PDE3A: variants seen among roughly 807,000 people sequenced by gnomAD.
PDE3A encodes phosphodiesterase 3A, also known as cGMP-inhibited 3',5'-cyclic phosphodiesterase 3A.
Under a neutral mutation model 98.3 loss-of-function variants are expected in PDE3A, and 43 were observed. The ratio of observed to expected loss-of-function variants is 0.44; its 90% CI spans 0.34 to 0.56. The LOEUF (loss-of-function observed/expected upper bound fraction) is 0.56. Ranked by LOEUF, PDE3A falls within the 20% of genes least tolerant of loss-of-function variation. PDE3A has a pLI of 0.01. For missense variants in PDE3A, 1,427 were observed against 1,440.7 expected, an observed-to-expected ratio of 0.99 and a Z score of 0.15; for synonymous variants, 663 against 567.9, an observed-to-expected ratio of 1.17 and a Z score of -2.38.
intron 1 of PDE3A, among the ~76,000 whole-genome samples, chr12:20,534,367 C>T (rs762834223): frequency 6.6e-6 from 1 of 152,152 alleles, no homozygotes; most frequent in South Asian, 2.1e-4. Context: ...AGTCCTTCAA[C>T]CTTTGCTTGT....
intron 2 of PDE3A, among the ~76,000 whole-genome samples, chr12:20,589,727 G>C (rs1331465348): frequency 6.6e-6 from 1 of 151,998 alleles, no homozygotes; most frequent in Non-Finnish European, 1.5e-5. Flanking sequence ...AAATTAGCCA[G>C]GCATGCTGGC....
At chr12:20,484,140 T>C (rs1945680679) in intron 1 of PDE3A, among the ~76,000 whole-genome samples, 2 of 152,194 alleles carry the variant, frequency 1.3e-5, no homozygotes, top group South Asian at 4.1e-4. Flanking sequence ...ACTTAATTTC[T>C]TTATATAGTA....
chr12:20,474,630 C>A (rs1185550094), intron 1 of PDE3A, among the ~76,000 whole-genome samples: 1 of 152,114 alleles, frequency 6.6e-6, no homozygotes, highest in African/African-American at 2.4e-5. Flanking sequence ...TTTCCTTTTC[C>A]ACCTTCTAGA....
intron 1 of PDE3A, among the ~76,000 whole-genome samples, chr12:20,433,192 TGTATAACCAAACTTTGGTGGGACACA>T (rs1263488685): frequency 6.6e-6 from 1 of 152,178 alleles, no homozygotes; most frequent in Admixed American, 6.6e-5. Flanking sequence ...GTGGGATCAC[TGTATAACCAAACTTTGGTGGGACACA>T]GCAGACCTGT....
chr12:20,658,421 C>T (rs1485073969), intron 15 of PDE3A, among the ~76,000 whole-genome samples: 1 of 152,142 alleles, frequency 6.6e-6, no homozygotes, highest in African/African-American at 2.4e-5. Flanking sequence ...CAGTTTGTGT[C>T]ATTTGTGTTG....
intron 1 of PDE3A, among the ~76,000 whole-genome samples, chr12:20,543,589 G>A (rs1183356425): frequency 3.9e-5 from 6 of 152,102 alleles, no homozygotes; most frequent in African/African-American, 1.4e-4. Context: ...ATGCACATGC[G>A]TTACATGTTA....
chr12:20,660,827 T>C (rs767612540), intron 15 of PDE3A, among the ~76,000 whole-genome samples: 16 of 152,178 alleles, frequency 1.1e-4, no homozygotes, highest in Non-Finnish European at 1.8e-4. Flanking sequence ...GTCTCAGGTA[T>C]GTCTTTGTCA....
intron 1 of PDE3A, among the ~76,000 whole-genome samples, chr12:20,382,982 T>A (rs12300264): frequency 1.3e-5 from 2 of 151,796 alleles, no homozygotes; most frequent in East Asian, 3.9e-4. Context: ...GGGAGTTAAA[T>A]TGTAAGCAAA....
chr12:20,542,302 T>G (rs1941934623), intron 1 of PDE3A, among the ~76,000 whole-genome samples: 1 of 152,034 alleles, frequency 6.6e-6, no homozygotes, highest in African/African-American at 2.4e-5. Context: ...AATTCAATGT[T>G]TTAAGTCACA....
intron 1 of PDE3A, among the ~76,000 whole-genome samples, chr12:20,467,010 C>T (rs1280965464): frequency 1.3e-5 from 2 of 152,002 alleles, no homozygotes; most frequent in Non-Finnish European, 2.9e-5. Flanking sequence ...TTTGAGACTT[C>T]TTTGTTTTTC....
chr12:20,422,343 CA>C (rs796857641), intron 1 of PDE3A, among the ~76,000 whole-genome samples: 94 of 136,602 alleles, frequency 6.9e-4, no homozygotes, highest in Admixed American at 8.1e-4. Context: ...GACTCTGTCT[CA>C]AAAAAAAAAA....
chr12:20,609,770 A>C (rs1351895178), intron 2 of PDE3A, among the ~76,000 whole-genome samples: 4 of 152,056 alleles, frequency 2.6e-5, no homozygotes, highest in Non-Finnish European at 4.4e-5. Flanking sequence ...ATAATTTTAC[A>C]CAAGGGTGCT....
chr12:20,654,299 C>T lies in PDE3A; in HGVS notation c.3184+94C>T, dbSNP rs146897450. 1.0e-3 allele frequency: 1,156 copies of T among 1,153,542 alleles called. 9 individuals are homozygous for T. In the African/African-American group the frequency reaches 0.016, roughly 16 times the overall value. 71.5% of individuals were successfully genotyped at this position (1,153,542 alleles called of 1,614,324 possible). ...GCTTCTTATGAAATACACAATACTT[C>T]AAGTCTAAACATCATTTGCGGAGTT... On this transcript the variant is annotated intron_variant, in intron 15 of 15. Transcript: ENST00000359062.
chr12:20,380,891 G>A (rs1316492936), intron 1 of PDE3A, among the ~76,000 whole-genome samples: 2 of 151,744 alleles, frequency 1.3e-5, no homozygotes, highest in Non-Finnish European at 2.9e-5. Context: ...TTTACATTTT[G>A]CAAAACATTT....
At chr12:20,390,545 C>T (rs960243013) in intron 1 of PDE3A, among the ~76,000 whole-genome samples, 2 of 150,026 alleles carry the variant, frequency 1.3e-5, no homozygotes, top group Admixed American at 1.3e-4. Context: ...CCACTTAAAA[C>T]TGTGAACCTG....
rs1366320822 is a variant in PDE3A, at chr12:20,620,779, A to T, written c.1425-517A>T. On this transcript the variant is annotated intron_variant, in intron 4 of 15. Coordinates refer to ENST00000359062, the MANE Select transcript of PDE3A (RefSeq NM_000921.5). ...TTTACAAATTCCCTTGTAAAAAGGTAATTTGACTAGATCATTTCCGTCACA... is the reference window on the plus strand; with the variant it reads ...TTTACAAATTCCCTTGTAAAAAGGTTATTTGACTAGATCATTTCCGTCACA... Among the ~76,000 whole-genome samples the T allele has an allele frequency of 2.6e-5, 4 of 151,690 alleles. No individual in the cohort carries two copies. In the East Asian group the frequency reaches 7.7e-4, roughly 29 times the overall value.
intron 2 of PDE3A, chr12:20,556,990 T>A (rs529213710): frequency 1.6e-5 from 6 of 385,752 alleles, no homozygotes; most frequent in African/African-American, 1.3e-4. Flanking sequence ...TACATTTTGA[T>A]CAGCAACCCA....
At chr12:20,465,361 TA>T (rs1945323774) in intron 1 of PDE3A, among the ~76,000 whole-genome samples, 1 of 152,162 alleles carries the variant, frequency 6.6e-6, no homozygotes, top group Admixed American at 6.5e-5. Flanking sequence ...TTACGTGTGT[TA>T]GAATGTTAAT....
chr12:20,417,916 T>C (rs1394308924), intron 1 of PDE3A, among the ~76,000 whole-genome samples: 1 of 152,210 alleles, frequency 6.6e-6, no homozygotes, highest in African/African-American at 2.4e-5. Flanking sequence ...ACAATAACAG[T>C]TGTCATTGAT....
Sources: allele counts gnomAD v4.1 joint callset (sites outside exome capture counted in the v4.1 genomes callset), GRCh38; gene constraint gnomAD v4.1.1; transcripts MANE v1.5; gene names NCBI Gene and HGNC (gene_info 2026-07-23, HGNC 2026-07-21).